The following ZNF366 variants were observed in gnomAD, a reference collection of about 807,000 sequenced individuals.
ZNF366 encodes the protein zinc finger protein 366.
In ZNF366, 20 loss-of-function variants were observed where a neutral mutation model predicts 47.2. That is an observed-to-expected ratio of 0.42 (90% CI 0.30 to 0.62). The LOEUF is 0.62. Ranked by LOEUF, ZNF366 falls within the 20% of genes least tolerant of loss-of-function variation. The pLI, the probability that ZNF366 is intolerant of heterozygous loss-of-function variation, is 0.16. For missense variants in ZNF366, 987 were observed against 976.3 expected, an observed-to-expected ratio of 1.01 and a Z score of -0.15; for synonymous variants, 421 against 395.1, an observed-to-expected ratio of 1.07 and a Z score of -0.78.
At chr5:72,480,263 C>T (rs748248222) in intron 1 of ZNF366, among the ~76,000 whole-genome samples, 6 of 152,178 alleles carry the variant, frequency 3.9e-5, no homozygotes, top group Non-Finnish European at 2.9e-5. Flanking sequence ...ACTGAGGGGC[C>T]TATTCTGAGA....
rs141424457 is a variant in ZNF366, at chr5:72,477,433, G to A, written c.-14-15923C>T. Among the ~76,000 whole-genome samples, 493 of 152,300 alleles carry A rather than the reference G, an allele frequency of 3.2e-3. 4 individuals carry two copies. The highest frequency in any genetic ancestry group is 0.011 in the African/African-American group (438 of 41,546). ...GCTGATCTTAAGAAAACATGATTGT[G>A]ACAAGGAAGGATGACTATTCTAGCT... On this transcript the variant is annotated intron_variant, in intron 1 of 4. Transcript: ENST00000318442.
chr5:72,501,259 G>A (rs1398266840), intron 1 of ZNF366, among the ~76,000 whole-genome samples: 1 of 152,120 alleles, frequency 6.6e-6, no homozygotes, highest in Non-Finnish European at 1.5e-5. Flanking sequence ...AGGTCAGAGT[G>A]GGGCCATAAT....
chr5:72,501,496 A>T (rs1744209413), intron 1 of ZNF366, among the ~76,000 whole-genome samples: 1 of 152,248 alleles, frequency 6.6e-6, no homozygotes, highest in Admixed American at 6.5e-5. Flanking sequence ...CCAAATAAGT[A>T]TAAAACTGAC....
intron 1 of ZNF366, among the ~76,000 whole-genome samples, chr5:72,481,207 C>A (rs1407446787): frequency 1.3e-5 from 2 of 152,086 alleles, no homozygotes; most frequent in African/African-American, 2.4e-5. Flanking sequence ...TATTAAAAGA[C>A]AAAATGTGTT....
At chr5:72,456,816 A>G (rs1419173495) in intron 2 of ZNF366, among the ~76,000 whole-genome samples, 2 of 152,150 alleles carry the variant, frequency 1.3e-5, no homozygotes, top group Non-Finnish European at 2.9e-5. Flanking sequence ...TAAACTAGCC[A>G]GACTATTAGA....
intron 1 of ZNF366, among the ~76,000 whole-genome samples, chr5:72,467,437 T>A (rs547476666): frequency 6.6e-6 from 1 of 152,328 alleles, no homozygotes; most frequent in South Asian, 2.1e-4. Flanking sequence ...CTGACCAAGA[T>A]AAAACCACAT....
chr5:72,490,698 G>A (rs1743991171), intron 1 of ZNF366, among the ~76,000 whole-genome samples: 1 of 152,190 alleles, frequency 6.6e-6, no homozygotes, highest in South Asian at 2.1e-4. Context: ...GTGCTTTGCA[G>A]AATTTTAACA....
At chr5:72,479,769 T>C (rs1001518632) in intron 1 of ZNF366, among the ~76,000 whole-genome samples, 3 of 152,242 alleles carry the variant, frequency 2.0e-5, no homozygotes, top group Admixed American at 2.0e-4. Context: ...TTAAGTTGCA[T>C]GAGTGTGTGT....
At chr5:72,483,681 C>T (rs1743832240) in intron 1 of ZNF366, among the ~76,000 whole-genome samples, 2 of 152,192 alleles carry the variant, frequency 1.3e-5, no homozygotes, top group Non-Finnish European at 2.9e-5. Flanking sequence ...CAGCCTTTCA[C>T]TTCTAGATAT....
At chr5:72,503,702 C>A (rs1744261619) in intron 1 of ZNF366, among the ~76,000 whole-genome samples, 1 of 152,234 alleles carries the variant, frequency 6.6e-6, no homozygotes, top group Admixed American at 6.5e-5. Context: ...GACTCCCAAT[C>A]TGGTCTTTTT....
intron 1 of ZNF366, among the ~76,000 whole-genome samples, chr5:72,466,620 A>G (rs1234298520): frequency 2.6e-5 from 4 of 152,238 alleles, no homozygotes; most frequent in Non-Finnish European, 5.9e-5. Context: ...GGCTCAAAGT[A>G]GATGCCCAAT....
intron 1 of ZNF366, among the ~76,000 whole-genome samples, chr5:72,481,038 T>TTC: frequency 6.6e-6 from 1 of 152,290 alleles, no homozygotes; most frequent in South Asian, 2.1e-4. Flanking sequence ...GAACACCATG[T>TTC]GTGGACACCC....
chr5:72,454,239 G>T (rs1743135414), intron 3 of ZNF366, among the ~76,000 whole-genome samples: 1 of 152,198 alleles, frequency 6.6e-6, no homozygotes, highest in African/African-American at 2.4e-5. Flanking sequence ...TTGGAGTGGA[G>T]CAGGAAGGAG....
At chr5:72,456,694 A>C in intron 2 of ZNF366, 99 bp from the exon 3 acceptor site, 1 of 1,247,722 alleles carries the variant, frequency 8.0e-7, no homozygotes, top group Non-Finnish European at 1.1e-6. Context: ...TAAATCCACA[A>C]AGAGCTTGGT....
intron 3 of ZNF366, among the ~76,000 whole-genome samples, chr5:72,448,179 A>C (rs138340103): frequency 6.6e-6 from 1 of 152,358 alleles, no homozygotes; most frequent in Non-Finnish European, 1.5e-5. Flanking sequence ...AAAGATAAAA[A>C]AATGAAAAAT....
chr5:72,464,749 C>A (rs1743396348), intron 1 of ZNF366, among the ~76,000 whole-genome samples: 1 of 152,114 alleles, frequency 6.6e-6, no homozygotes, highest in Admixed American at 6.5e-5. Context: ...AAATCAGAAA[C>A]CCAGAAGGTT....
At chr5:72,467,151 T>C (rs1407435128) in intron 1 of ZNF366, among the ~76,000 whole-genome samples, 2 of 152,232 alleles carry the variant, frequency 1.3e-5, no homozygotes, top group Non-Finnish European at 2.9e-5. Flanking sequence ...AATCATACAT[T>C]TTCATTGTTA....
chr5:72,447,933 G>A (rs1033878518), intron 3 of ZNF366, among the ~76,000 whole-genome samples: 5 of 152,154 alleles, frequency 3.3e-5, no homozygotes, highest in Non-Finnish European at 7.3e-5. Context: ...CAAGTGGTGG[G>A]TGCTGAAGCT....
intron 3 of ZNF366, among the ~76,000 whole-genome samples, chr5:72,451,994 G>A (rs571102930): frequency 1.3e-5 from 2 of 152,342 alleles, no homozygotes; most frequent in Admixed American, 6.5e-5. Context: ...TGGAGAAGTC[G>A]GCTGTGGCCA....
Sources: allele counts gnomAD v4.1 joint callset (sites outside exome capture counted in the v4.1 genomes callset), GRCh38; gene constraint gnomAD v4.1.1; transcripts MANE v1.5; gene names NCBI Gene and HGNC (gene_info 2026-07-23, HGNC 2026-07-21).